WAC: variants seen among roughly 807,000 people sequenced by gnomAD.
WAC encodes WW domain containing adaptor with coiled-coil, also known as WW domain-containing adapter protein with coiled-coil.
Under a neutral mutation model 79.6 loss-of-function variants are expected in WAC, and 11 were observed. The ratio of observed to expected loss-of-function variants is 0.14; its 90% CI spans 0.09 to 0.23. WAC has a LOEUF of 0.23. Ranked by LOEUF, WAC falls within the 10% of genes least tolerant of loss-of-function variation. WAC has a pLI of 1.00. For missense variants in WAC, 728 were observed against 773.5 expected (o/e 0.94, Z 0.70); for synonymous variants, 304 against 276.9 (o/e 1.10, Z -0.97).
At chr10:28,583,544 A>AT (rs770660144) in intron 4 of WAC, 39 bp downstream of exon 4, 7 of 1,177,834 alleles carry the variant, frequency 5.9e-6, no homozygotes, top group Admixed American at 3.4e-5. Flanking sequence ...TTTCTTTGGA[A>AT]TTTTTTGCAA....
intron 3 of WAC, among the ~76,000 whole-genome samples, chr10:28,547,913 T>C (rs919336093): frequency 1.9e-5 from 2 of 105,332 alleles, no homozygotes; most frequent in South Asian, 3.7e-4. Flanking sequence ...CTTTCTCTTT[T>C]TCTTTTTTTT....
Position 28,622,921 on chromosome 10 carries a change from T to C in WAC, c.*3315T>C, listed in dbSNP as rs1229062379. On this transcript the variant is annotated 3_prime_UTR_variant, in exon 14 of 14. Transcript: ENST00000354911. The stretch of plus-strand genomic sequence containing the variant: ...GATGTTGGGTTTGAATATACAGATT[T>C]CTTTTCAATACCTGTAAATATGGCT... The C allele has an allele frequency of 6.6e-6, 1 of 152,206 alleles. No individual in the cohort carries two copies. The highest frequency in any genetic ancestry group is 6.5e-5 in the Admixed American group (1 of 15,282). The allele number at this position is 152,206 out of a possible 1,614,324, so 9.4% of individuals were successfully genotyped here. A position where few individuals can be genotyped will look rare whatever the true frequency, so the allele number is the denominator to read the frequency against.
At chr10:28,614,737 A>T in intron 11 of WAC, 52 bp downstream of exon 11, 2 of 1,363,576 alleles carry the variant, frequency 1.5e-6, no homozygotes, top group Non-Finnish European at 2.1e-6. Context: ...ATGATGGTAC[A>T]CTGCATTGTT....
At chr10:28,561,340 A>G (rs1838290682) in intron 3 of WAC, among the ~76,000 whole-genome samples, 1 of 152,148 alleles carries the variant, frequency 6.6e-6, no homozygotes, top group Non-Finnish European at 1.5e-5. Context: ...GTTCTCAGTC[A>G]TTTTATTCTC....
In WAC at chr10:28,611,817, G is replaced by T; in HGVS notation, c.1332G>T (p.Ala444=). 6.2e-7 allele frequency: 1 copy of T among 1,613,894 alleles called. No homozygotes were observed. Among genetic ancestry groups the T allele is most frequent in the South Asian group, 1.1e-5 (1 of 91,076 alleles). The change falls in exon 10 of 14, where the codon GCG becomes GCT. Residue 444 remains alanine, a synonymous_variant. Coordinates refer to ENST00000354911, the MANE Select transcript of WAC (RefSeq NM_016628.5). The part of the protein sequence containing the change: ...NQSPMSLTSD[A]SSPRSYVSPR... ...CTCCGATGTCTTTAACATCTGATGC[G>T]TCATCCCCAAGATCATATGTTTCTC...
chr10:28,604,422 A>G (rs1336163742), intron 7 of WAC, among the ~76,000 whole-genome samples: 1 of 151,980 alleles, frequency 6.6e-6, no homozygotes, highest in Admixed American at 6.6e-5. Context: ...CCTGTTTTCT[A>G]CAAGGGCTAC....
intron 3 of WAC, among the ~76,000 whole-genome samples, chr10:28,549,565 A>T (rs142892376): frequency 3.3e-5 from 5 of 152,082 alleles, no homozygotes; most frequent in Admixed American, 6.6e-5. Flanking sequence ...AAAATATTGC[A>T]ATATCTTGTT....
At chr10:28,568,461 A>G (rs1838770907) in intron 3 of WAC, among the ~76,000 whole-genome samples, 1 of 151,502 alleles carries the variant, frequency 6.6e-6, no homozygotes, top group South Asian at 2.1e-4. Context: ...GCTCGCTGCA[A>G]CCTCCACCTC....
chr10:28,568,674 C>T (rs1007163623), intron 3 of WAC, among the ~76,000 whole-genome samples: 1 of 152,098 alleles, frequency 6.6e-6, no homozygotes, highest in African/African-American at 2.4e-5. Flanking sequence ...GGTATATCTC[C>T]TAATGCTATC....
intron 4 of WAC, 47 bp downstream of exon 4, chr10:28,583,552 CAAAA>C (rs35140807): frequency 2.0e-4 from 166 of 828,586 alleles, no homozygotes; most frequent in South Asian, 6.2e-4. Context: ...GAATTTTTTG[CAAAA>C]AAAAAAAAAA....
At chr10:28,612,022 G>C (rs1841264073) in intron 10 of WAC, 100 bp downstream of exon 10, 1 of 1,395,360 alleles carries the variant, frequency 7.2e-7, no homozygotes, top group African/African-American at 1.4e-5. Context: ...CTGAGAATGA[G>C]GTGTAGTGGT....
intron 3 of WAC, among the ~76,000 whole-genome samples, chr10:28,566,650 T>A (rs920451538): frequency 5.9e-5 from 9 of 152,238 alleles, no homozygotes; most frequent in African/African-American, 2.2e-4. Context: ...CTGGGTCACA[T>A]CCAGTTTTTT....
chr10:28,598,372 A>G (rs1242508155), intron 7 of WAC, among the ~76,000 whole-genome samples: 1 of 152,190 alleles, frequency 6.6e-6, no homozygotes, highest in Non-Finnish European at 1.5e-5. Context: ...GCTTTTGCTA[A>G]ATAGAACATG....
At position 28,616,235 on chromosome 10, in the gene WAC, C is replaced by T; in HGVS notation, c.1619C>T (p.Ala540Val). Residue 540 changes from alanine to valine, a missense_variant, in exon 12 of 14, where the codon GCA becomes GTA. Coordinates refer to ENST00000354911, the MANE Select transcript of WAC (RefSeq NM_016628.5). ...TCTAATAGTAGTAATGCATCAAATG[C>T]AACAGTTGTACCACAGAATTCTTCT... ...HTSNSSNASN[A>V]TVVPQNSSAR... is the part of the protein sequence containing the mutation. 1 of 1,613,870 alleles carries T rather than the reference C, an allele frequency of 6.2e-7. No individual in the cohort carries two copies. The highest frequency in any genetic ancestry group is 8.5e-7 in the Non-Finnish European group (1 of 1,179,856).
rs1588627543 is a variant in WAC, at chr10:28,621,253, T to C, written c.*1647T>C. The C allele has an allele frequency of 6.9e-6, 1 of 143,980 alleles. No individual in the cohort carries two copies. The highest frequency in any genetic ancestry group is 2.1e-4 in the East Asian group (1 of 4,844). 8.9% of individuals were successfully genotyped at this position (143,980 alleles called of 1,614,324 possible). On this transcript the variant is annotated 3_prime_UTR_variant, in exon 14 of 14. Coordinates refer to ENST00000354911, the MANE Select transcript of WAC (RefSeq NM_016628.5). ...TTTTTTTTCTGTTGGGGCAGATAAG[T>C]GCTTCCAAAACTGGCAGCACCAAGG...
chr10:28,540,906 CTG>C (rs1433443764), intron 3 of WAC, among the ~76,000 whole-genome samples: 2 of 152,046 alleles, frequency 1.3e-5, no homozygotes, highest in Admixed American at 6.5e-5. Flanking sequence ...AAAACAGTGT[CTG>C]TGATGTAAGC....
At position 28,608,353 on chromosome 10, in the gene WAC, C is replaced by G; in HGVS notation, c.1087C>G (p.Leu363Val). The G allele has an allele frequency of 6.2e-7, 1 of 1,614,114 alleles. No individual in the cohort carries two copies. The highest frequency in any genetic ancestry group is 2.2e-5 in the East Asian group (1 of 44,884). The part of the protein sequence containing the change: ...IPPLLQDPNL[L>V]RQLLPALQAT... ...TCCCTTACTTCAGGACCCAAATCTT[C>G]TTAGACAATTGCTTCCTGCTTTGCA... The change falls in exon 8 of 14, where the codon CTT (leucine) becomes GTT (valine). Residue 363 changes from leucine to valine, a missense_variant. This residue lies in a region of WAC where 648 missense variants were observed against 661.5 expected (regional missense o/e 0.98). Coordinates refer to ENST00000354911, the MANE Select transcript of WAC (RefSeq NM_016628.5).
chr10:28,610,886 C>T, intron 9 of WAC, 65 bp downstream of exon 9: 3 of 1,432,272 alleles, frequency 2.1e-6, no homozygotes, highest in Admixed American at 2.7e-5. Context: ...ATTAATAGCC[C>T]TTTTTTGTAT....
Position 28,616,168 on chromosome 10 carries a change from T to C in WAC, c.1557-5T>C. The C allele has an allele frequency of 6.3e-7, 1 of 1,578,326 alleles. No homozygotes were observed. The highest frequency in any genetic ancestry group is 8.6e-7 in the Non-Finnish European group (1 of 1,157,492). ...ACATACTACACATTCAATTCTGTTT[T>C]CTAGTAGCCAGAGAAGTCCATCACC... On this transcript the variant is annotated splice_region_variant and splice_polypyrimidine_tract_variant and intron_variant, in intron 11 of 13. Transcript: ENST00000354911.
Sources: allele counts gnomAD v4.1 joint callset (sites outside exome capture counted in the v4.1 genomes callset), GRCh38; gene constraint gnomAD v4.1.1; regional missense constraint gnomAD v4.1.1; transcripts MANE v1.5; gene names NCBI Gene and HGNC (gene_info 2026-07-23, HGNC 2026-07-21).